The following BOK variants were observed in gnomAD, a reference collection of about 807,000 sequenced individuals.
BOK encodes the protein bcl-2-related ovarian killer protein.
Under a neutral mutation model 18.3 loss-of-function variants are expected in BOK, and 20 were observed. The observed-to-expected ratio is 1.09, with a 90% CI of 0.77 to 1.59. The LOEUF is 1.59. Among genes scored for constraint, BOK ranks in the 40% most tolerant of loss-of-function variants. BOK has a pLI of 0.00. For missense variants in BOK, 348 were observed against 307.9 expected, an observed-to-expected ratio of 1.13 and a Z score of -0.97; for synonymous variants, 173 against 142.4, an observed-to-expected ratio of 1.21 and a Z score of -1.53.
chr2:241,555,840 C>T (rs139572297), upstream of BOK, among the ~76,000 whole-genome samples: 955 of 152,282 alleles, frequency 6.3e-3, 6 homozygotes, highest in Middle Eastern at 0.041. Flanking sequence ...ACGGCTCCAA[C>T]AGGAGACAGG....
Position 241,562,100 on chromosome 2 carries a change from G to A in BOK, c.221-248G>A, listed in dbSNP as rs899140148. Among the ~76,000 whole-genome samples, 2 of 152,236 alleles carry A rather than the reference G, an allele frequency of 1.3e-5. No individual in the cohort carries two copies. Among genetic ancestry groups the A allele is most frequent in the African/African-American group, 2.4e-5 (1 of 41,468 alleles). ...GCCGGCTAGGCTTAGGGGCTGGCTC[G>A]TCAGAGGGGCGGGACTGGGGGCGCC... On this transcript the variant is annotated intron_variant, in intron 2 of 4. Coordinates refer to ENST00000318407, the MANE Select transcript of BOK (RefSeq NM_032515.5). This position sits in a 1 kb window ranked among gnomAD's most constrained non-coding sequence, Gnocchi z 4.5.
chr2:241,564,467 C>T (rs1244971836), intron 3 of BOK, among the ~76,000 whole-genome samples: 3 of 148,902 alleles, frequency 2.0e-5, no homozygotes, highest in Non-Finnish European at 3.0e-5. Context: ...GGTGGGGGGC[C>T]GGGCCCAGGC....
chr2:241,562,398 C>T lies in BOK; in HGVS notation c.271C>T (p.Gln91Ter), dbSNP rs148098112. 1 of 1,612,060 alleles carries T rather than the reference C, an allele frequency of 6.2e-7. No homozygotes were observed. Among genetic ancestry groups the T allele is most frequent in the Admixed American group, 1.7e-5 (1 of 59,964 alleles). ...CAGCGTCTACCGCAACGTGGCGCGTCAGCTGCACATCTCCCTGCAGTCTGA... is the reference window on the plus strand; with the variant it reads ...CAGCGTCTACCGCAACGTGGCGCGTTAGCTGCACATCTCCCTGCAGTCTGA... ...RPSVYRNVAR[Q>*]LHISLQSEPV... The change falls in exon 3 of 5, where the codon CAG becomes TAG. Residue 91 changes from glutamine to a stop codon, truncating the protein, a stop_gained. Coordinates refer to ENST00000318407, the MANE Select transcript of BOK (RefSeq NM_032515.5). LOFTEE classifies it high-confidence loss of function. This position sits in a 1 kb window ranked among gnomAD's most constrained non-coding sequence, Gnocchi z 4.5.
intron 3 of BOK, among the ~76,000 whole-genome samples, chr2:241,566,486 T>A (rs1377663485): frequency 2.0e-5 from 3 of 151,698 alleles, no homozygotes; most frequent in Non-Finnish European, 4.4e-5. Context: ...GTTAGTATTA[T>A]TTATATTATT....
At chr2:241,564,034 G>T (rs972537520) in intron 3 of BOK, among the ~76,000 whole-genome samples, 1 of 152,250 alleles carries the variant, frequency 6.6e-6, no homozygotes, top group Non-Finnish European at 1.5e-5. Flanking sequence ...CCAAGGCGGC[G>T]GGGGCTGCGA....
At chr2:241,560,051 ATGTT>A in intron 2 of BOK, 3 of 984,512 alleles carry the variant, frequency 3.0e-6, no homozygotes, top group Non-Finnish European at 3.6e-6. Flanking sequence ...ACGTGTCCCG[ATGTT>A]TATTTTGGAA....
rs536807502 is a variant in BOK, at chr2:241,562,018, G to A, written c.221-330G>A. On this transcript the variant is annotated intron_variant, in intron 2 of 4. Coordinates refer to ENST00000318407, the MANE Select transcript of BOK (RefSeq NM_032515.5). This position sits in a 1 kb window ranked among gnomAD's most constrained non-coding sequence, Gnocchi z 4.5. ...TGGGCAGCTCGGCTGCCTGTCGGCT[G>A]TGAGTCACCAGCAGGCACGGCCCAC... Among the ~76,000 whole-genome samples the A allele has an allele frequency of 6.6e-6, 1 of 152,356 alleles. No individual in the cohort carries two copies. Among genetic ancestry groups the A allele is most frequent in the South Asian group, 2.1e-4 (1 of 4,828 alleles).
chr2:241,564,619 G>A (rs959944795), intron 3 of BOK, among the ~76,000 whole-genome samples: 1 of 152,154 alleles, frequency 6.6e-6, no homozygotes, highest in Non-Finnish European at 1.5e-5. Flanking sequence ...CGGAAGCATG[G>A]TGGCAGGAGC....
At position 241,567,144 on chromosome 2, in the gene BOK, CT is replaced by C. The variant is rs557390533; in HGVS notation, c.350-2967del. ...GCCATCACTCGGAACATAGTATGTTCTTTTTTTTTTTTTTAATTTTTGCTCT... is the reference window on the plus strand; with the variant it reads ...GCCATCACTCGGAACATAGTATGTTCTTTTTTTTTTTTTAATTTTTGCTCT... On this transcript the variant is annotated intron_variant, in intron 3 of 4. Coordinates refer to ENST00000318407, the MANE Select transcript of BOK (RefSeq NM_032515.5). 3.3e-3 allele frequency among the ~76,000 whole-genome samples: 385 copies of C among 117,700 alleles called. 1 individual carries two copies. Among genetic ancestry groups the C allele is most frequent in the Middle Eastern group, 4.3e-3 (1 of 234 alleles). 77.2% of individuals were successfully genotyped at this position (117,700 alleles called of 152,430 possible).
intron 3 of BOK, among the ~76,000 whole-genome samples, chr2:241,569,844 C>T (rs1023271252): frequency 6.6e-6 from 1 of 152,226 alleles, no homozygotes; most frequent in Non-Finnish European, 1.5e-5. Flanking sequence ...GCTGCTCACT[C>T]CATCTGCTGC....
rs962653772 is a variant in BOK at position 241,570,005 on chromosome 2, G to A, written c.350-120G>A. The stretch of plus-strand genomic sequence containing the variant: ...TCAGGGAGCGGTCCCCCCTTGGGAC[G>A]GTCCCTGGTCATTAGCTGGACGGCA... On this transcript the variant is annotated intron_variant, in intron 3 of 4. Transcript: ENST00000318407. 188 of 1,283,594 alleles carry A rather than the reference G, an allele frequency of 1.5e-4. 1 individual carries two copies. In the East Asian group the frequency reaches 1.5e-3, roughly 10 times the overall value. The allele number at this position is 1,283,594 out of a possible 1,614,324, so 79.5% of individuals were successfully genotyped here.
upstream of BOK, among the ~76,000 whole-genome samples, chr2:241,555,810 C>T (rs957108656): frequency 3.9e-5 from 6 of 152,220 alleles, no homozygotes; most frequent in Non-Finnish European, 7.3e-5. Context: ...GCCCACTACC[C>T]CCATGTCAGA....
At chr2:241,567,675 C>G (rs1247775077) in intron 3 of BOK, among the ~76,000 whole-genome samples, 1 of 134,896 alleles carries the variant, frequency 7.4e-6, no homozygotes, top group Non-Finnish European at 1.6e-5. Context: ...GCCAGCTCAG[C>G]TGGGAATTCA....
chr2:241,559,510 C>T lies in BOK; in HGVS notation c.27C>T (p.Val9=). 1.3e-6 allele frequency: 2 copies of T among 1,495,262 alleles called. No individual in the cohort carries two copies. The highest frequency in any genetic ancestry group is 1.8e-6 in the Non-Finnish European group (2 of 1,129,626). The allele number at this position is 1,495,262 out of a possible 1,614,324, so 92.6% of individuals were successfully genotyped here. Residue 9 remains valine, a synonymous_variant, in exon 2 of 5, where the codon GTC becomes GTT. Transcript: ENST00000318407. MEVLRRSS[V]FAAEIMDAFD... is the part of the protein sequence containing the mutation. Reference sequence around the variant, plus strand: ...TGGAGGTGCTGCGGCGCTCCTCGGTCTTCGCCGCCGAGATCATGGACGCCT... The same window carrying T: ...TGGAGGTGCTGCGGCGCTCCTCGGTTTTCGCCGCCGAGATCATGGACGCCT...
chr2:241,563,643 A>T lies in BOK; in HGVS notation c.349+1167A>T, dbSNP rs1462245649. Among the ~76,000 whole-genome samples, 4 of 152,204 alleles carry T rather than the reference A, an allele frequency of 2.6e-5. No individual in the cohort carries two copies. In the East Asian group the frequency reaches 7.7e-4, roughly 29 times the overall value. Reference sequence around the variant, plus strand: ...GAGGCCTTGCACACCCTTGTCTGGGAGCTGGTGTGGGTCCGTGGCCAGTCA... The same window carrying T: ...GAGGCCTTGCACACCCTTGTCTGGGTGCTGGTGTGGGTCCGTGGCCAGTCA... On this transcript the variant is annotated intron_variant, in intron 3 of 4. Transcript: ENST00000318407.
rs561560638 is a variant in BOK at position 241,567,048 on chromosome 2, C to T, written c.350-3077C>T. On this transcript the variant is annotated intron_variant, in intron 3 of 4. Transcript: ENST00000318407. ...AGAGCTGGAAGGACACAGTGGACGC[C>T]GAGGCTGGTGCCTCCGGACTCCTGT... 2.0e-4 allele frequency among the ~76,000 whole-genome samples: 27 copies of T among 134,062 alleles called. 9 individuals carry two copies. The highest frequency in any genetic ancestry group is 7.6e-4 in the South Asian group (3 of 3,922). 87.9% of individuals were successfully genotyped at this position (134,062 alleles called of 152,430 possible).
At chr2:241,571,672 T>C (rs2066723130) in intron 4 of BOK, among the ~76,000 whole-genome samples, 1 of 152,184 alleles carries the variant, frequency 6.6e-6, no homozygotes, top group Non-Finnish European at 1.5e-5. Context: ...CGACGACACT[T>C]TGAGCAACGC....
upstream of BOK, among the ~76,000 whole-genome samples, chr2:241,556,197 T>C (rs1009495124): frequency 6.6e-6 from 1 of 152,230 alleles, no homozygotes; most frequent in African/African-American, 2.4e-5. Context: ...AAAGAGTTCA[T>C]TAAAATGCAC....
At chr2:241,558,339 T>A (rs2066471562), upstream of BOK, among the ~76,000 whole-genome samples, 1 of 152,170 alleles carries the variant, frequency 6.6e-6, no homozygotes, top group South Asian at 2.1e-4. Flanking sequence ...TATTGATAAA[T>A]TGGACATCAC....
Sources: allele counts gnomAD v4.1 joint callset (sites outside exome capture counted in the v4.1 genomes callset), GRCh38; gene constraint gnomAD v4.1.1; non-coding constraint Gnocchi (gnomAD v3.1); transcripts MANE v1.5; gene names NCBI Gene and HGNC (gene_info 2026-07-23, HGNC 2026-07-21).